LIPA: variants seen among roughly 807,000 people sequenced by gnomAD.
LIPA encodes the protein lysosomal acid lipase/cholesteryl ester hydrolase.
A neutral mutation model predicts 40.6 loss-of-function variants in LIPA; 26 were observed. That is an observed-to-expected ratio of 0.64 (90% CI 0.47 to 0.89). LIPA has a LOEUF of 0.89. Among genes scored for constraint, LIPA ranks in the 40% least tolerant of loss-of-function variants. The pLI is 0.00. For synonymous variants in LIPA, 188 were observed against 168.4 expected (o/e 1.12, Z -0.90); for missense variants, 455 against 479.6 (o/e 0.95, Z 0.48).
chr10:89,339,604 T>C, intron 1 of LIPA: 1 of 1,614,202 alleles, frequency 6.2e-7, no homozygotes, highest in Non-Finnish European at 8.5e-7. Flanking sequence ...TGCTATGGAC[T>C]ATTCGAATAA....
chr10:89,411,593 A>C (rs773566520), intron 2 of LIPA, among the ~76,000 whole-genome samples: 1 of 152,240 alleles, frequency 6.6e-6, no homozygotes, highest in Non-Finnish European at 1.5e-5. Flanking sequence ...ATACACTCTC[A>C]AAGGATTTCT....
intron 1 of LIPA, chr10:89,340,118 A>G: frequency 6.3e-7 from 1 of 1,593,146 alleles, no homozygotes. Context: ...AACTCAGAGC[A>G]ACTGAACTGA....
chr10:89,392,783 A>G (rs897078821), intron 2 of LIPA: 1 of 1,523,136 alleles, frequency 6.6e-7, no homozygotes, highest in Non-Finnish European at 9.1e-7. Context: ...ATTAAATACT[A>G]TTTCAACAGG....
rs369628682 is a variant in LIPA at position 89,307,118 on chromosome 10, G to A, written c.-2+35493C>T. 6 of 1,613,868 alleles carry A rather than the reference G, an allele frequency of 3.7e-6. No homozygotes were observed. In the African/African-American group the frequency reaches 6.7e-5, roughly 18 times the overall value. ...CTTTCAGCTGTACCAAATGAAGTGTGAAGACAAGGCCATCCACCACTTTAT... is the reference window on the plus strand; with the variant it reads ...CTTTCAGCTGTACCAAATGAAGTGTAAAGACAAGGCCATCCACCACTTTAT... On this transcript the variant is annotated intron_variant, in intron 1 of 5. Transcript: ENST00000282673.
At chr10:89,341,687 T>C (rs988342862) in intron 1 of LIPA, among the ~76,000 whole-genome samples, 1 of 152,204 alleles carries the variant, frequency 6.6e-6, no homozygotes, top group Non-Finnish European at 1.5e-5. Flanking sequence ...GCAGAAAGAC[T>C]GTGGCCCTAA....
intron 1 of LIPA, among the ~76,000 whole-genome samples, chr10:89,261,468 G>A (rs1338251014): frequency 6.6e-6 from 1 of 152,072 alleles, no homozygotes; most frequent in Non-Finnish European, 1.5e-5. Context: ...TCGTGCCATT[G>A]CACTCCAGCC....
chr10:89,379,291 C>A (rs1844144056), intron 2 of LIPA, among the ~76,000 whole-genome samples: 1 of 152,186 alleles, frequency 6.6e-6, no homozygotes, highest in African/African-American at 2.4e-5. Flanking sequence ...AATGCAAATT[C>A]TCAGGCCCTA....
Position 89,365,927 on chromosome 10 carries a change from A to G in LIPA, c.61+46864T>C, listed in dbSNP as rs192900109. Among the ~76,000 whole-genome samples the G allele has an allele frequency of 7.6e-3, 1,150 of 152,252 alleles. 32 individuals carry two copies. The East Asian group carries it at 0.093, about 12-fold the overall frequency. On this transcript the variant is annotated intron_variant, in intron 2 of 8. Transcript: ENST00000371837. ...TCTTTTGGCTTAGGATTGTCTTGGC[A>G]ATGCGGGCTCTTTTTTGGTTCCATA...
intron 1 of LIPA, among the ~76,000 whole-genome samples, chr10:89,341,222 A>T (rs41284140): frequency 0.069 from 10,535 of 152,246 alleles, 920 homozygotes; most frequent in African/African-American, 0.2. Flanking sequence ...CTGCTGCTGT[A>T]GACAGGGTTG....
In LIPA at chr10:89,296,489, CA is replaced by C. The variant is rs750487920; in HGVS notation, c.-2+46121del. Among the ~76,000 whole-genome samples, 339 of 102,954 alleles carry C rather than the reference CA, an allele frequency of 3.3e-3. 3 individuals carry two copies. Among genetic ancestry groups the C allele is most frequent in the East Asian group, 0.028 (107 of 3,838 alleles). The allele number at this position is 102,954 out of a possible 152,430, so 67.5% of individuals were successfully genotyped here. A position where few individuals can be genotyped will look rare whatever the true frequency, so the allele number is the denominator to read the frequency against. On this transcript the variant is annotated intron_variant, in intron 1 of 5. Coordinates refer to the LIPA transcript ENST00000282673. Reference sequence around the variant, plus strand: ...CTTTGGCAACAGAGCGAGACTGTCTCAAAAAAAAAAAAAAAAAGAAGAAGAA... The same window carrying C: ...CTTTGGCAACAGAGCGAGACTGTCTCAAAAAAAAAAAAAAAAGAAGAAGAA...
chr10:89,402,418 C>A (rs186164770), intron 2 of LIPA: 2 of 1,614,086 alleles, frequency 1.2e-6, no homozygotes, highest in Admixed American at 3.3e-5. Context: ...TTCCTAGACA[C>A]CAAATACAGT....
At chr10:89,262,649 G>A (rs934041817) in intron 1 of LIPA, among the ~76,000 whole-genome samples, 2 of 152,234 alleles carry the variant, frequency 1.3e-5, no homozygotes, top group African/African-American at 4.8e-5. Flanking sequence ...CTGGGAGTAT[G>A]TAAGAAATGC....
Position 89,214,506 on chromosome 10 carries a change from C to A in LIPA, c.*322G>T, listed in dbSNP as rs1466973760. ...ATATATTACTTTGTCCTATGAAGGG[C>A]AAAAAGTCAATATATTTTAAATTTT... On this transcript the variant is annotated 3_prime_UTR_variant, in exon 10 of 10. Coordinates refer to ENST00000336233, the MANE Select transcript of LIPA (RefSeq NM_000235.4). 3 of 251,210 alleles carry A rather than the reference C, an allele frequency of 1.2e-5. No individual in the cohort carries two copies. The South Asian group carries it at 1.5e-4, about 12-fold the overall frequency. 15.6% of individuals were successfully genotyped at this position (251,210 alleles called of 1,614,324 possible).
intron 2 of LIPA, among the ~76,000 whole-genome samples, chr10:89,364,345 G>A (rs555917643): frequency 2.0e-5 from 3 of 152,292 alleles, no homozygotes; most frequent in African/African-American, 7.2e-5. Flanking sequence ...TAGGTCAGCT[G>A]TTCAAAGGAG....
At chr10:89,231,213 T>C (rs1469760048) in intron 3 of LIPA, among the ~76,000 whole-genome samples, 1 of 152,180 alleles carries the variant, frequency 6.6e-6, no homozygotes, top group African/African-American at 2.4e-5. Context: ...ATGAGAAGAA[T>C]GATTTGTCCA....
At chr10:89,384,934 T>G (rs1844194466) in intron 2 of LIPA, 5 of 553,994 alleles carry the variant, frequency 9.0e-6, no homozygotes, top group Non-Finnish European at 1.6e-5. Context: ...AAAGGCCTTG[T>G]GGCACCAGAC....
intron 2 of LIPA, among the ~76,000 whole-genome samples, chr10:89,387,209 G>A (rs1006838929): frequency 1.3e-4 from 19 of 151,656 alleles, no homozygotes; most frequent in African/African-American, 3.4e-4. Flanking sequence ...CCAGCTACTC[G>A]GGAGGCTGAG....
intron 1 of LIPA, among the ~76,000 whole-genome samples, chr10:89,324,420 G>A (rs1408966343): frequency 1.3e-5 from 2 of 152,086 alleles, no homozygotes; most frequent in Non-Finnish European, 2.9e-5. Context: ...TAAAACCCTG[G>A]AAGATAACCT....
chr10:89,360,286 A>T (rs1357376042), intron 2 of LIPA, among the ~76,000 whole-genome samples: 3 of 152,194 alleles, frequency 2.0e-5, no homozygotes, highest in Non-Finnish European at 4.4e-5. Context: ...AGAGAGGAAA[A>T]GATGGCCCAT....
Sources: allele counts gnomAD v4.1 joint callset (sites outside exome capture counted in the v4.1 genomes callset), GRCh38; gene constraint gnomAD v4.1.1; transcripts MANE v1.5; gene names NCBI Gene and HGNC (gene_info 2026-07-23, HGNC 2026-07-21).